SHB: variants seen among roughly 807,000 people sequenced by gnomAD.
The protein encoded by SHB is SH2 domain-containing adapter protein B.
Under a neutral mutation model 52.3 loss-of-function variants are expected in SHB, and 20 were observed. The ratio of observed to expected loss-of-function variants is 0.38; its 90% CI spans 0.27 to 0.56. The LOEUF is 0.56. SHB is among the 20% of genes least tolerant of loss of function. The probability of loss-of-function intolerance (pLI) is 0.71; values close to 1 mark genes in which losing one functional copy is unlikely to be tolerated. For missense variants in SHB, 825 were observed against 723.3 expected, an observed-to-expected ratio of 1.14 and a Z score of -1.61; for synonymous variants, 397 against 316.5, an observed-to-expected ratio of 1.25 and a Z score of -2.70.
chr9:37,988,327 G>A (rs752773718), intron 2 of SHB, among the ~76,000 whole-genome samples: 3 of 152,200 alleles, frequency 2.0e-5, no homozygotes, highest in African/African-American at 7.2e-5. Context: ...CCTCGCAGAT[G>A]AGGTGAGAGG....
At chr9:37,965,218 G>C (rs192321946) in intron 3 of SHB, among the ~76,000 whole-genome samples, 2 of 152,200 alleles carry the variant, frequency 1.3e-5, no homozygotes, top group African/African-American at 4.8e-5. Flanking sequence ...GAGGTCGGGG[G>C]GACAAGCCAG....
At chr9:37,999,851 G>A (rs1042301183) in intron 2 of SHB, among the ~76,000 whole-genome samples, 3 of 152,188 alleles carry the variant, frequency 2.0e-5, no homozygotes, top group East Asian at 1.9e-4. Context: ...AGCTCAAACC[G>A]GCTGTCGGAG....
At chr9:37,953,788 G>C (rs1187625407) in intron 4 of SHB, among the ~76,000 whole-genome samples, 2 of 152,144 alleles carry the variant, frequency 1.3e-5, no homozygotes, top group African/African-American at 4.8e-5. Flanking sequence ...TCTTTACTGG[G>C]GTCATCAGGC....
chr9:37,944,257 G>GA (rs1564084545), intron 5 of SHB, among the ~76,000 whole-genome samples: 1 of 152,198 alleles, frequency 6.6e-6, no homozygotes. Flanking sequence ...TGCAAGTGCA[G>GA]AAAGTTGGGG....
chr9:37,938,151 T>C (rs545678339), intron 5 of SHB, among the ~76,000 whole-genome samples: 3 of 152,354 alleles, frequency 2.0e-5, no homozygotes, highest in African/African-American at 7.2e-5. Flanking sequence ...CCTACCTGCA[T>C]CTGTGCAGCC....
chr9:37,976,765 T>C (rs1003319061), intron 2 of SHB, among the ~76,000 whole-genome samples: 1 of 152,202 alleles, frequency 6.6e-6, no homozygotes, highest in Non-Finnish European at 1.5e-5. Context: ...GCTATTTCAA[T>C]GCTCTCTTGA....
chr9:37,983,353 G>A (rs1337143040), intron 2 of SHB, among the ~76,000 whole-genome samples: 2 of 152,206 alleles, frequency 1.3e-5, no homozygotes, highest in Admixed American at 6.5e-5. Context: ...TGCTCGAGAG[G>A]GCTGGGGACT....
intron 1 of SHB, among the ~76,000 whole-genome samples, chr9:38,056,968 G>A (rs148730221): frequency 6.6e-6 from 1 of 152,338 alleles, no homozygotes; most frequent in East Asian, 1.9e-4. Flanking sequence ...TTAGAATTCC[G>A]AGGATTGTGT....
intron 1 of SHB, among the ~76,000 whole-genome samples, chr9:38,051,512 C>T (rs1350026566): frequency 2.0e-5 from 3 of 151,954 alleles, no homozygotes; most frequent in Non-Finnish European, 2.9e-5. Flanking sequence ...TCAAAGCATG[C>T]CCGGGTTGAG....
chr9:37,929,066 G>A (rs1832283336), intron 5 of SHB, among the ~76,000 whole-genome samples: 1 of 152,282 alleles, frequency 6.6e-6, no homozygotes, highest in South Asian at 2.1e-4. Flanking sequence ...TGGGGTGCCT[G>A]AGGATGGTGC....
chr9:37,938,282 G>A (rs1000491651), intron 5 of SHB, among the ~76,000 whole-genome samples: 2 of 152,132 alleles, frequency 1.3e-5, no homozygotes, highest in Non-Finnish European at 2.9e-5. Flanking sequence ...GATTCAGGCT[G>A]TAATCCCCGG....
chr9:37,928,892 G>A (rs1832280768), intron 5 of SHB, among the ~76,000 whole-genome samples: 1 of 152,266 alleles, frequency 6.6e-6, no homozygotes, highest in Non-Finnish European at 1.5e-5. Flanking sequence ...TACCACATCT[G>A]AGGAGACTCC....
chr9:37,929,346 G>T (rs1370008606), intron 5 of SHB, among the ~76,000 whole-genome samples: 1 of 152,210 alleles, frequency 6.6e-6, no homozygotes, highest in Non-Finnish European at 1.5e-5. Flanking sequence ...TGAAACAGGG[G>T]GCTGGCACTA....
intron 3 of SHB, among the ~76,000 whole-genome samples, chr9:37,968,645 G>A (rs1820559470): frequency 6.6e-6 from 1 of 152,218 alleles, no homozygotes; most frequent in East Asian, 1.9e-4. Context: ...TTCTCAAGAA[G>A]GTCTGGGGGG....
intron 2 of SHB, among the ~76,000 whole-genome samples, chr9:38,005,652 T>C (rs1055321630): frequency 6.6e-6 from 1 of 152,218 alleles, no homozygotes; most frequent in Non-Finnish European, 1.5e-5. Context: ...TGGTATCATA[T>C]ATAAAAGGTA....
Position 38,034,816 on chromosome 9 carries a change from C to T in SHB, c.718-18685G>A, listed in dbSNP as rs374156353. Among the ~76,000 whole-genome samples the T allele has an allele frequency of 5.3e-5, 8 of 152,240 alleles. No homozygotes were observed. In the East Asian group the frequency reaches 9.6e-4, roughly 18 times the overall value. ...GGTTCAAGTGATTCTCCTGCCTCAG[C>T]CTCCAGAGTAGCTGGGATTACAGGT... On this transcript the variant is annotated intron_variant, in intron 1 of 5. Coordinates refer to ENST00000377707, the MANE Select transcript of SHB (RefSeq NM_003028.3).
intron 1 of SHB, among the ~76,000 whole-genome samples, chr9:38,060,594 A>G (rs557665920): frequency 1.3e-5 from 2 of 152,350 alleles, no homozygotes; most frequent in Admixed American, 1.3e-4. Flanking sequence ...GTGAGGAGTA[A>G]AGTTACATAC....
At chr9:37,930,151 C>CA (rs1298568323) in intron 5 of SHB, among the ~76,000 whole-genome samples, 3 of 152,128 alleles carry the variant, frequency 2.0e-5, no homozygotes, top group African/African-American at 7.2e-5. Context: ...CATAGATGGT[C>CA]AATGGCATTT....
chr9:38,005,850 A>C (rs1187983521), intron 2 of SHB, among the ~76,000 whole-genome samples: 1 of 151,388 alleles, frequency 6.6e-6, no homozygotes, highest in Non-Finnish European at 1.5e-5. Context: ...CCTGCATACT[A>C]CTCCTCTCCC....
Sources: gnomAD v4.1 joint callset for allele counts (sites outside exome capture counted in the v4.1 genomes callset) on GRCh38, gnomAD v4.1.1 for gene constraint, MANE v1.5 for transcripts, NCBI Gene and HGNC (gene_info 2026-07-23, HGNC 2026-07-21) for gene names.